The following TEAD1 variants were observed in gnomAD, a reference collection of about 807,000 sequenced individuals.
TEAD1 encodes the protein TEA domain transcription factor 1.
In TEAD1, 9 loss-of-function variants were observed where a neutral mutation model predicts 54.9. That is an observed-to-expected ratio of 0.16 (90% CI 0.10 to 0.29). The LOEUF (loss-of-function observed/expected upper bound fraction) is 0.29. TEAD1 is among the 10% of genes least tolerant of loss of function. The pLI is 1.00. For synonymous variants in TEAD1, 200 were observed against 187.8 expected, an observed-to-expected ratio of 1.07 and a Z score of -0.53; for missense variants, 387 against 535.9, an observed-to-expected ratio of 0.72 and a Z score of 2.74.
In TEAD1 at chr11:12,897,811, T is replaced by C. The variant is rs562217059; in HGVS notation, c.700-4129T>C. Among the ~76,000 whole-genome samples the C allele has an allele frequency of 7.9e-5, 12 of 152,364 alleles. No individual in the cohort carries two copies. The South Asian group carries it at 2.5e-3, about 32-fold the overall frequency. On this transcript the variant is annotated intron_variant, in intron 9 of 12. Coordinates refer to ENST00000527636, the MANE Select transcript of TEAD1 (RefSeq NM_021961.6). ...AAAACGCTGTTTAGTTTTTTTGCTG[T>C]TGTTCCTTTCCCAAATCAACTTTCA...
At chr11:12,862,642 G>A (rs1947529955) in intron 4 of TEAD1, among the ~76,000 whole-genome samples, 1 of 152,188 alleles carries the variant, frequency 6.6e-6, no homozygotes, top group African/African-American at 2.4e-5. Context: ...AAAACTGCAA[G>A]TGCAAATGCA....
Position 12,940,235 on chromosome 11 carries a change from A to G in TEAD1, c.*3013A>G, listed in dbSNP as rs544018741. 1 of 152,342 alleles carries G rather than the reference A, an allele frequency of 6.6e-6. No individual in the cohort carries two copies. Among genetic ancestry groups the G allele is most frequent in the South Asian group, 2.1e-4 (1 of 4,810 alleles). The allele number at this position is 152,342 out of a possible 1,614,324, so 9.4% of individuals were successfully genotyped here. On this transcript the variant is annotated 3_prime_UTR_variant, in exon 13 of 13. Coordinates refer to ENST00000527636, the MANE Select transcript of TEAD1 (RefSeq NM_021961.6). Reference sequence around the variant, plus strand: ...AGTTACCTGAGACCAGGGTTTCTCAACCTTGACACCATTGACATTTTGGAC... The same window carrying G: ...AGTTACCTGAGACCAGGGTTTCTCAGCCTTGACACCATTGACATTTTGGAC...
chr11:12,901,988 A>T lies in TEAD1; in HGVS notation c.748A>T (p.Ser250Cys). 1 of 1,614,244 alleles carries T rather than the reference A, an allele frequency of 6.2e-7. No individual in the cohort carries two copies. The highest frequency in any genetic ancestry group is 8.5e-7 in the Non-Finnish European group (1 of 1,180,040). ...CATTGGGCATGCCAACCATTCTTACAGTGACCCATTGCTTGAATCAGTGGA... is the reference window on the plus strand; with the variant it reads ...CATTGGGCATGCCAACCATTCTTACTGTGACCCATTGCTTGAATCAGTGGA... Residue 250 changes from serine to cysteine, a missense_variant, in exon 10 of 13, where the codon AGT becomes TGT. By Grantham distance (112) the Ser-to-Cys change is moderately radical (BLOSUM62 -1). Around this residue, in one of 5 missense-constraint regions of TEAD1, gnomAD observed 180 missense variants for 180.6 expected, o/e 1.00. Transcript: ENST00000527636.
chr11:12,775,345 G>A (rs895838166), intron 3 of TEAD1, among the ~76,000 whole-genome samples: 2 of 152,160 alleles, frequency 1.3e-5, no homozygotes, highest in African/African-American at 2.4e-5. Context: ...GCATCAGAGG[G>A]AAGTAGAGAG....
At chr11:12,906,941 T>G (rs1948531793) in intron 10 of TEAD1, among the ~76,000 whole-genome samples, 1 of 152,256 alleles carries the variant, frequency 6.6e-6, no homozygotes, top group South Asian at 2.1e-4. Context: ...CAGGCTATTA[T>G]GAATAATGGT....
At chr11:12,899,227 C>T (rs930818762) in intron 9 of TEAD1, among the ~76,000 whole-genome samples, 6 of 152,062 alleles carry the variant, frequency 3.9e-5, no homozygotes, top group South Asian at 2.1e-4. Flanking sequence ...GGAACTGGGG[C>T]GGTCTGAGAG....
chr11:12,743,231 A>G (rs1017207875), intron 2 of TEAD1, among the ~76,000 whole-genome samples: 2 of 152,224 alleles, frequency 1.3e-5, no homozygotes, highest in African/African-American at 4.8e-5. Flanking sequence ...TAGAGATCAT[A>G]CTTCTAAATT....
intron 3 of TEAD1, among the ~76,000 whole-genome samples, chr11:12,772,199 G>A (rs1252506653): frequency 6.6e-6 from 1 of 152,224 alleles, no homozygotes; most frequent in Admixed American, 6.5e-5. Flanking sequence ...TCTACCTAGA[G>A]GGAACATTAC....
rs1244572780 is a variant in TEAD1 at position 12,685,081 on chromosome 11, G to A, written c.-55+9520G>A. Among the ~76,000 whole-genome samples the A allele has an allele frequency of 5.9e-5, 9 of 152,134 alleles. 1 individual carries two copies. The highest frequency in any genetic ancestry group is 5.9e-4 in the Admixed American group (9 of 15,284). ...TCAATGTCCCTGTGTTTTTAGATCT[G>A]GGCCACTCCTGGTGACTGGTCTGAG... On this transcript the variant is annotated intron_variant, in intron 2 of 12. Coordinates refer to ENST00000527636, the MANE Select transcript of TEAD1 (RefSeq NM_021961.6).
Position 12,922,257 on chromosome 11 carries a change from C to T in TEAD1, c.874-2655C>T, listed in dbSNP as rs549864382. On this transcript the variant is annotated intron_variant, in intron 10 of 12. Transcript: ENST00000527636. Reference sequence around the variant, plus strand: ...TGTCGCCCAGGCTGGAGTGCAGTGGCGGGATCTCGGCTCACTGCAAGCTCC... The same window carrying T: ...TGTCGCCCAGGCTGGAGTGCAGTGGTGGGATCTCGGCTCACTGCAAGCTCC... Among the ~76,000 whole-genome samples the T allele has an allele frequency of 4.8e-4, 21 of 43,534 alleles. 5 individuals carry two copies. The East Asian group carries it at 0.013, about 28-fold the overall frequency. 28.6% of individuals were successfully genotyped at this position (43,534 alleles called of 152,430 possible).
chr11:12,897,458 A>G (rs1237988629), intron 9 of TEAD1, among the ~76,000 whole-genome samples: 1 of 152,182 alleles, frequency 6.6e-6, no homozygotes, highest in African/African-American at 2.4e-5. Flanking sequence ...ACCCAGGTTG[A>G]ATGAAGGGGA....
intron 2 of TEAD1, among the ~76,000 whole-genome samples, chr11:12,686,599 G>C (rs1316178149): frequency 6.6e-6 from 1 of 152,012 alleles, no homozygotes; most frequent in African/African-American, 2.4e-5. Flanking sequence ...GAAATTGGGG[G>C]ATTTCAGATT....
At chr11:12,888,456 C>G (rs1345452418) in intron 9 of TEAD1, among the ~76,000 whole-genome samples, 1 of 152,154 alleles carries the variant, frequency 6.6e-6, no homozygotes, top group Non-Finnish European at 1.5e-5. Context: ...TGGCGGTGAG[C>G]TGAGATCACG....
At chr11:12,928,945 G>GTA (rs1334256375) in intron 11 of TEAD1, among the ~76,000 whole-genome samples, 1 of 152,072 alleles carries the variant, frequency 6.6e-6, no homozygotes, top group East Asian at 1.9e-4. Flanking sequence ...TCACCATGTT[G>GTA]TACAGTAGAT....
chr11:12,838,451 C>T (rs1198916219), intron 3 of TEAD1, among the ~76,000 whole-genome samples: 2 of 152,116 alleles, frequency 1.3e-5, no homozygotes, highest in African/African-American at 2.4e-5. Flanking sequence ...AATTGGTTTT[C>T]TTTAATTAAG....
At chr11:12,778,371 C>T (rs1344310530) in intron 3 of TEAD1, among the ~76,000 whole-genome samples, 1 of 152,022 alleles carries the variant, frequency 6.6e-6, no homozygotes, top group Non-Finnish European at 1.5e-5. Context: ...GGATACCGTT[C>T]ATCCTGTTTT....
chr11:12,876,132 T>C (rs113876389), intron 5 of TEAD1, among the ~76,000 whole-genome samples: 3 of 152,252 alleles, frequency 2.0e-5, no homozygotes, highest in African/African-American at 7.2e-5. Context: ...TTCATTTAGG[T>C]ACCTGGTAGA....
chr11:12,839,955 G>C (rs953044859), intron 3 of TEAD1, among the ~76,000 whole-genome samples: 2 of 151,978 alleles, frequency 1.3e-5, no homozygotes, highest in African/African-American at 4.8e-5. Context: ...AGCTTTAAGA[G>C]ACCAGAAACG....
chr11:12,890,422 C>T (rs147481898), intron 9 of TEAD1, among the ~76,000 whole-genome samples: 1 of 152,270 alleles, frequency 6.6e-6, no homozygotes, highest in East Asian at 1.9e-4. Flanking sequence ...AAGGGGACCG[C>T]TGCTTTAGAG....
Sources: gnomAD v4.1 joint callset for allele counts (sites outside exome capture counted in the v4.1 genomes callset) on GRCh38, gnomAD v4.1.1 for gene constraint, gnomAD v4.1.1 regional missense constraint, MANE v1.5 for transcripts, NCBI Gene and HGNC (gene_info 2026-07-23, HGNC 2026-07-21) for gene names.